Variants in DAB2IP observed in about 807,000 individuals in gnomAD.
The protein encoded by DAB2IP is DAB2 interacting protein, also known as disabled homolog 2-interacting protein.
A neutral mutation model predicts 107.2 loss-of-function variants in DAB2IP; 28 were observed. The observed-to-expected ratio is 0.26, with a 90% CI of 0.19 to 0.36. The LOEUF (loss-of-function observed/expected upper bound fraction) is 0.36, where lower values mean the gene tolerates loss of function less well. Ranked by LOEUF, DAB2IP falls within the 10% of genes least tolerant of loss-of-function variation. The probability of loss-of-function intolerance (pLI) is 1.00; values close to 1 mark genes in which losing one functional copy is unlikely to be tolerated. For missense variants in DAB2IP, 1,400 were observed against 1,644.7 expected (o/e 0.85, Z 2.57); for synonymous variants, 755 against 706.4 (o/e 1.07, Z -1.09).
At position 121,634,992 on chromosome 9, in the gene DAB2IP, C is replaced by A. The variant is rs1832033058; in HGVS notation, c.41-43686C>A. Among the ~76,000 whole-genome samples the A allele has an allele frequency of 6.6e-6, 1 of 152,144 alleles. No individual in the cohort carries two copies. The highest frequency in any genetic ancestry group is 2.1e-4 in the South Asian group (1 of 4,828). On this transcript the variant is annotated intron_variant, in intron 1 of 16. Transcript: ENST00000259371. This position sits in a 1 kb window ranked among gnomAD's most constrained non-coding sequence, Gnocchi z 4.7. ...ATGGGGCCCTGTGTGCCAGTGCGGC[C>A]CACCCAGCCTCAGACCTGTGTATAT...
Position 121,759,875 on chromosome 9 carries a change from G to A in DAB2IP, c.616-10G>A, listed in dbSNP as rs1247278607. 6.2e-7 allele frequency: 1 copy of A among 1,608,308 alleles called. No homozygotes were observed. Among genetic ancestry groups the A allele is most frequent in the Non-Finnish European group, 8.5e-7 (1 of 1,176,406 alleles). Reference sequence around the variant, plus strand: ...CCAGCTGACCACCCTGGACCCCCGTGCACATACAGGACAACAGCCGGCGTG... The same window carrying A: ...CCAGCTGACCACCCTGGACCCCCGTACACATACAGGACAACAGCCGGCGTG... On this transcript the variant is annotated splice_polypyrimidine_tract_variant and intron_variant, in intron 5 of 15. Transcript: ENST00000408936.
At chr9:121,686,305 A>G (rs1828875111) in intron 2 of DAB2IP, among the ~76,000 whole-genome samples, 1 of 152,152 alleles carries the variant, frequency 6.6e-6, no homozygotes, top group South Asian at 2.1e-4. Context: ...GGGCAGTGTG[A>G]GTGAGGAGGA....
chr9:121,641,986 TTCTTTCCTTTCTCTCTCTCTCTCTCTCTC>T (rs1832332655), intron 1 of DAB2IP, among the ~76,000 whole-genome samples: 1 of 128,548 alleles, frequency 7.8e-6, no homozygotes, highest in Admixed American at 8.1e-5. Context: ...CTTTCTTTCT[TTCTTTCCTTTCTCTCTCTCTCTCTCTCTC>T]TCTCTCTCTC....
intron 1 of DAB2IP, among the ~76,000 whole-genome samples, chr9:121,622,575 G>A (rs560791478): frequency 6.6e-6 from 1 of 152,270 alleles, no homozygotes; most frequent in South Asian, 2.1e-4. Context: ...CACTGCCCTC[G>A]TGTCGGGGCT....
At chr9:121,780,613 A>G (rs1203576156) in intron 14 of DAB2IP, among the ~76,000 whole-genome samples, 2 of 152,206 alleles carry the variant, frequency 1.3e-5, no homozygotes, top group Admixed American at 1.3e-4. Flanking sequence ...CCCCATGTCC[A>G]GAGGCAGACA....
At chr9:121,628,292 G>A (rs1449075852) in intron 1 of DAB2IP, among the ~76,000 whole-genome samples, 1 of 152,214 alleles carries the variant, frequency 6.6e-6, no homozygotes, top group Non-Finnish European at 1.5e-5. Context: ...GACTGGATTA[G>A]GTGGGCCCCC....
At chr9:121,661,470 G>A (rs1190265790) in intron 1 of DAB2IP, among the ~76,000 whole-genome samples, 2 of 152,084 alleles carry the variant, frequency 1.3e-5, no homozygotes, top group African/African-American at 2.4e-5. Flanking sequence ...GGGACCCTGA[G>A]CTTCAGGGAA....
chr9:121,670,934 C>T lies in DAB2IP; in HGVS notation c.125-7744C>T, dbSNP rs533494472. 7.2e-3 allele frequency among the ~76,000 whole-genome samples: 1,091 copies of T among 152,194 alleles called. 9 individuals carry two copies. Among genetic ancestry groups the T allele is most frequent in the African/African-American group, 0.025 (1,045 of 41,506 alleles). On this transcript the variant is annotated intron_variant, in intron 1 of 15. Transcript: ENST00000408936. ...TTGGGAGGCCGAGGCAGGAGGATCG[C>T]GAGGTCAAGAGATCGAGACCATCCT...
chr9:121,741,546 T>A (rs1459125162), intron 3 of DAB2IP, among the ~76,000 whole-genome samples: 1 of 152,104 alleles, frequency 6.6e-6, no homozygotes, highest in African/African-American at 2.4e-5. Context: ...CCTCAAAGGA[T>A]TTGGGCCACA....
rs561802568 is a variant in DAB2IP, at chr9:121,690,902, C to T, written c.229-8423C>T. Among the ~76,000 whole-genome samples the T allele has an allele frequency of 6.6e-5, 10 of 152,246 alleles. No individual in the cohort carries two copies. The East Asian group carries it at 7.7e-4, about 12-fold the overall frequency. ...GGCCTCCCAGGGCAGCCAGACTCCC[C>T]GCTGTCCTACCTCTACACCTCTGCT... On this transcript the variant is annotated intron_variant, in intron 2 of 15. Coordinates refer to ENST00000408936, the Ensembl canonical transcript of DAB2IP.
In DAB2IP at chr9:121,707,467, G is replaced by A. The variant is rs1830116002; in HGVS notation, c.362+8009G>A. Among the ~76,000 whole-genome samples the A allele has an allele frequency of 2.0e-5, 3 of 152,166 alleles. No individual in the cohort carries two copies. In the South Asian group the frequency reaches 6.2e-4, roughly 32 times the overall value. On this transcript the variant is annotated intron_variant, in intron 3 of 15. Transcript: ENST00000408936. Reference sequence around the variant, plus strand: ...TTTTCAGTGGGCAGCCCCCACGGGGGACCAGAGCAGCCCTTCTCCCTACTG... The same window carrying A: ...TTTTCAGTGGGCAGCCCCCACGGGGAACCAGAGCAGCCCTTCTCCCTACTG...
Position 121,651,759 on chromosome 9 carries a change from GC to G in DAB2IP, c.-14del. The stretch of plus-strand genomic sequence containing the variant: ...TGAGCGCGCCCAGGCCCGGCCCGGT[GC>G]CCGGCGGGCGGCAGCATGTCCGCGG... On this transcript the variant is annotated 5_prime_UTR_variant, in exon 1 of 16. Coordinates refer to ENST00000408936, the Ensembl canonical transcript of DAB2IP. This position sits in a 1 kb window ranked among gnomAD's most constrained non-coding sequence, Gnocchi z 5.1. The G allele has an allele frequency of 7.5e-7, 1 of 1,333,942 alleles. No homozygotes were observed. 82.6% of individuals were successfully genotyped at this position (1,333,942 alleles called of 1,614,324 possible).
chr9:121,722,805 G>A (rs1021280776), intron 3 of DAB2IP, among the ~76,000 whole-genome samples: 5 of 152,146 alleles, frequency 3.3e-5, no homozygotes, highest in Non-Finnish European at 5.9e-5. Context: ...ATGAGACTAT[G>A]TTTCAAAACA....
intron 3 of DAB2IP, among the ~76,000 whole-genome samples, chr9:121,710,011 T>C (rs143992584): frequency 2.7e-4 from 41 of 152,246 alleles, no homozygotes; most frequent in Admixed American, 5.9e-4. Flanking sequence ...CCGTGAGATA[T>C]ATACTGTTGC....
At chr9:121,676,553 C>A (rs987994123) in intron 1 of DAB2IP, among the ~76,000 whole-genome samples, 1 of 152,178 alleles carries the variant, frequency 6.6e-6, no homozygotes, top group Non-Finnish European at 1.5e-5. Context: ...CCAGGCACCC[C>A]CCACGCACCA....
chr9:121,658,990 T>C (rs761292709), intron 1 of DAB2IP, among the ~76,000 whole-genome samples: 38 of 152,230 alleles, frequency 2.5e-4, no homozygotes, highest in Non-Finnish European at 3.5e-4. Context: ...GAGAGTACTA[T>C]CGGCATCTGG....
chr9:121,576,872 A>T (rs1830070575), intron 1 of DAB2IP, among the ~76,000 whole-genome samples: 1 of 152,104 alleles, frequency 6.6e-6, no homozygotes, highest in Non-Finnish European at 1.5e-5. Flanking sequence ...CCTGGATTCC[A>T]GAAGGGAGGG....
Position 121,599,777 on chromosome 9 carries a change from G to A in DAB2IP, c.40+32549G>A, listed in dbSNP as rs546740206. The stretch of plus-strand genomic sequence containing the variant: ...GGCCCGCGCGTAGAGGTAAAAGCTG[G>A]GGGCCGCGGCTCAGGTGGAGGGGGG... On this transcript the variant is annotated intron_variant, in intron 1 of 16. Coordinates refer to the DAB2IP transcript ENST00000259371. This position sits in a 1 kb window ranked among gnomAD's most constrained non-coding sequence, Gnocchi z 6.9. 3.9e-5 allele frequency among the ~76,000 whole-genome samples: 6 copies of A among 152,184 alleles called. No homozygotes were observed. In the South Asian group the frequency reaches 1.2e-3, roughly 32 times the overall value.
Position 121,599,844 on chromosome 9 carries a change from G to A in DAB2IP, c.40+32616G>A, listed in dbSNP as rs1830632762. Among the ~76,000 whole-genome samples, 1 of 152,120 alleles carries A rather than the reference G, an allele frequency of 6.6e-6. No homozygotes were observed. Among genetic ancestry groups the A allele is most frequent in the Non-Finnish European group, 1.5e-5 (1 of 68,004 alleles). On this transcript the variant is annotated intron_variant, in intron 1 of 16. Transcript: ENST00000259371. This position sits in a 1 kb window ranked among gnomAD's most constrained non-coding sequence, Gnocchi z 6.9. ...GATCCGAGCGGCATCCCGGGTTCGA[G>A]AGGATCCGGGGGCTCCGATGCGAGG...
Sources: allele counts gnomAD v4.1 joint callset (sites outside exome capture counted in the v4.1 genomes callset), GRCh38; gene constraint gnomAD v4.1.1; non-coding constraint Gnocchi (gnomAD v3.1); transcripts MANE v1.5; gene names NCBI Gene and HGNC (gene_info 2026-07-23, HGNC 2026-07-21).